Variants in PYY observed in about 807,000 individuals in gnomAD.
PYY encodes peptide YY.
A neutral mutation model predicts 10.3 loss-of-function variants in PYY; 12 were observed. The observed-to-expected ratio is 1.17, with a 90% confidence interval of 0.75 to 1.89. PYY has a LOEUF of 1.89. Ranked by LOEUF, PYY falls within the 40% of genes most tolerant of loss-of-function variation. PYY has a pLI of 0.00. For synonymous variants in PYY, 66 were observed against 62.0 expected (o/e 1.06, Z -0.30); for missense variants, 141 against 134.0 (o/e 1.05, Z -0.26).
intron 1 of PYY, among the ~76,000 whole-genome samples, chr17:43,994,424 C>T (rs2048977475): frequency 6.6e-6 from 1 of 152,096 alleles, no homozygotes; most frequent in Non-Finnish European, 1.5e-5. Flanking sequence ...GCGAACATTG[C>T]CACTTTCTTG....
At chr17:43,955,253 C>G (rs2048664604), upstream of PYY, among the ~76,000 whole-genome samples, 1 of 152,212 alleles carries the variant, frequency 6.6e-6, no homozygotes, top group Admixed American at 6.5e-5. Flanking sequence ...AGCTTCCTCT[C>G]CCTGGCCTCG....
Position 43,983,637 on chromosome 17 carries a change from T to C in PYY, c.-462-17105A>G, listed in dbSNP as rs188120543. The stretch of plus-strand genomic sequence containing the variant: ...ATAGGCATAGCCCCTCAGATACCAC[T>C]AGCTCACCCACTGCCCTCATTCAAC... On this transcript the variant is annotated intron_variant, in intron 1 of 6. Coordinates refer to the PYY transcript ENST00000360085. Among the ~76,000 whole-genome samples, 31 of 152,276 alleles carry C rather than the reference T, an allele frequency of 2.0e-4. No individual in the cohort carries two copies. In the East Asian group the frequency reaches 2.9e-3, roughly 14 times the overall value.
At chr17:44,000,557 TAA>T (rs1397144307) in intron 1 of PYY, among the ~76,000 whole-genome samples, 1 of 140,042 alleles carries the variant, frequency 7.1e-6, no homozygotes, top group Non-Finnish European at 1.5e-5. Context: ...TGAGAATGCC[TAA>T]GTGTGCACTT....
At chr17:43,970,023 T>A (rs1287045629) in intron 1 of PYY, among the ~76,000 whole-genome samples, 1 of 151,762 alleles carries the variant, frequency 6.6e-6, no homozygotes, top group African/African-American at 2.4e-5. Context: ...AATACAGACA[T>A]GAGCCACCAC....
chr17:43,963,068 G>T (rs1036689962), intron 2 of PYY, among the ~76,000 whole-genome samples: 7 of 152,144 alleles, frequency 4.6e-5, no homozygotes, highest in Non-Finnish European at 8.8e-5. Context: ...TTCACATTAC[G>T]TGAAAACAAT....
chr17:43,997,261 G>C lies in PYY; in HGVS notation c.-463+7130C>G, dbSNP rs955975911. On this transcript the variant is annotated intron_variant, in intron 1 of 6. Coordinates refer to the PYY transcript ENST00000360085. ...TCACCATACTGGCCAGGCTGGTCTAGAACTCCTGACCTTGTGATCCACCCG... is the reference window on the plus strand; with the variant it reads ...TCACCATACTGGCCAGGCTGGTCTACAACTCCTGACCTTGTGATCCACCCG... 2.0e-5 allele frequency among the ~76,000 whole-genome samples: 3 copies of C among 151,868 alleles called. No individual in the cohort carries two copies. In the East Asian group the frequency reaches 5.8e-4, roughly 29 times the overall value.
intron 1 of PYY, among the ~76,000 whole-genome samples, chr17:43,991,902 C>A (rs1395043877): frequency 6.6e-6 from 1 of 151,348 alleles, no homozygotes; most frequent in East Asian, 2.0e-4. Flanking sequence ...AGACGGATCA[C>A]GAGGTCAGGA....
intron 2 of PYY, among the ~76,000 whole-genome samples, chr17:43,963,765 C>G (rs542206824): frequency 6.6e-6 from 1 of 150,948 alleles, no homozygotes; most frequent in African/African-American, 2.4e-5. Flanking sequence ...CCCAGGAGTT[C>G]GAGACTAGAC....
chr17:43,975,221 T>C (rs1030416428), intron 1 of PYY, among the ~76,000 whole-genome samples: 2 of 152,200 alleles, frequency 1.3e-5, no homozygotes, highest in Non-Finnish European at 2.9e-5. Flanking sequence ...TTTCTGAACA[T>C]GTCTTTCCTT....
At position 43,987,198 on chromosome 17, in the gene PYY, G is replaced by A. The variant is rs1400517806; in HGVS notation, c.-463+17193C>T. Among the ~76,000 whole-genome samples the A allele has an allele frequency of 1.3e-5, 2 of 151,988 alleles. No homozygotes were observed. The highest frequency in any genetic ancestry group is 6.6e-5 in the Admixed American group (1 of 15,254). On this transcript the variant is annotated intron_variant, in intron 1 of 6. Transcript: ENST00000360085. The surrounding 1 kb of genome is among the most constrained non-coding windows in gnomAD (Gnocchi z 4.0). ...ACTGGGCAGAGCTCTCCCCTCCCTT[G>A]CCCTTATTAATTGCACCTGGAGACT...
At chr17:43,997,978 G>A (rs891528175) in intron 1 of PYY, among the ~76,000 whole-genome samples, 7 of 151,576 alleles carry the variant, frequency 4.6e-5, no homozygotes, top group South Asian at 4.2e-4. Context: ...TCACTCTGTC[G>A]CCCAGGCTGG....
rs1405318509 is a variant in PYY, at chr17:43,987,351, C to A, written c.-463+17040G>T. On this transcript the variant is annotated intron_variant, in intron 1 of 6. Coordinates refer to the PYY transcript ENST00000360085. The surrounding 1 kb of genome is among the most constrained non-coding windows in gnomAD (Gnocchi z 4.0). ...TCATCAGAAGCAGCTGCCTCCAGGACTCTAGCCCTGTCTCCCCAGCCCTAT... is the reference window on the plus strand; with the variant it reads ...TCATCAGAAGCAGCTGCCTCCAGGAATCTAGCCCTGTCTCCCCAGCCCTAT... Among the ~76,000 whole-genome samples the A allele has an allele frequency of 6.6e-6, 1 of 152,218 alleles. No homozygotes were observed. The highest frequency in any genetic ancestry group is 1.5e-5 in the Non-Finnish European group (1 of 68,036).
At chr17:43,992,429 G>A (rs980243121) in intron 1 of PYY, among the ~76,000 whole-genome samples, 1 of 151,934 alleles carries the variant, frequency 6.6e-6, no homozygotes, top group African/African-American at 2.4e-5. Flanking sequence ...AAAAATACAA[G>A]GCCAGGCGCA....
chr17:43,990,698 A>T (rs2048951144), intron 1 of PYY, among the ~76,000 whole-genome samples: 1 of 152,090 alleles, frequency 6.6e-6, no homozygotes, highest in East Asian at 1.9e-4. Context: ...AGCATATTTG[A>T]TATAAAATTA....
chr17:43,986,561 C>T (rs976796226), intron 1 of PYY, among the ~76,000 whole-genome samples: 1 of 152,228 alleles, frequency 6.6e-6, no homozygotes, highest in African/African-American at 2.4e-5. Flanking sequence ...CTACAGCCCA[C>T]TGATTTTCAG....
chr17:43,957,196 CAAAAAAAAAAA>C (rs60997602), upstream of PYY, among the ~76,000 whole-genome samples: 1 of 66,616 alleles, frequency 1.5e-5, no homozygotes, highest in African/African-American at 4.6e-5. Context: ...AAACTGTCTC[CAAAAAAAAAAA>C]AAAAAAAAAG....
intron 1 of PYY, among the ~76,000 whole-genome samples, chr17:43,978,285 A>C (rs1380287185): frequency 6.7e-6 from 1 of 149,952 alleles, no homozygotes; most frequent in African/African-American, 2.5e-5. Context: ...GAGAGAAGGA[A>C]GGAAGGAAGA....
intron 1 of PYY, among the ~76,000 whole-genome samples, chr17:43,975,810 G>A (rs1363128891): frequency 1.6e-5 from 2 of 125,790 alleles, no homozygotes; most frequent in African/African-American, 2.9e-5. Flanking sequence ...GTCTACGTAC[G>A]TGTACATACA....
At chr17:43,962,714 T>G (rs2143902648) in intron 2 of PYY, among the ~76,000 whole-genome samples, 1 of 152,284 alleles carries the variant, frequency 6.6e-6, no homozygotes, top group South Asian at 2.1e-4. Context: ...TGCCTCTGAT[T>G]TGTATGACTT....
Sources: gnomAD v4.1 joint callset for allele counts (sites outside exome capture counted in the v4.1 genomes callset) on GRCh38, gnomAD v4.1.1 for gene constraint, Gnocchi (gnomAD v3.1) non-coding constraint, MANE v1.5 for transcripts, NCBI Gene and HGNC (gene_info 2026-07-23, HGNC 2026-07-21) for gene names.